Variants in CRB1 observed in about 807,000 individuals in gnomAD.
The protein encoded by CRB1 is crumbs cell polarity complex component 1.
CRB1 carries 83 observed loss-of-function variants against 120.0 expected under a neutral mutation model. The ratio of observed to expected loss-of-function variants is 0.69; its 90% CI spans 0.58 to 0.83. CRB1 has a LOEUF of 0.83. Ranked by LOEUF, CRB1 falls within the 40% of genes least tolerant of loss-of-function variation. CRB1 has a pLI of 0.00. For missense variants in CRB1, 1,699 were observed against 1,687.6 expected (o/e 1.01, Z -0.12); for synonymous variants, 625 against 612.5 (o/e 1.02, Z -0.30).
At chr1:197,329,054 G>A (rs1473021119) in intron 2 of CRB1, 51 bp downstream of exon 2, 1 of 1,490,454 alleles carries the variant, frequency 6.7e-7, no homozygotes, top group Non-Finnish European at 9.3e-7. Context: ...CTCTTTCTAA[G>A]TGGCAGAAGC....
the CRB1 span, among the ~76,000 whole-genome samples, chr1:197,207,041 T>A: frequency 2.0e-5 from 3 of 152,172 alleles, no homozygotes; most frequent in Non-Finnish European, 1.5e-5. Context: ...TTTTGTCTGA[T>A]ATATGAATAG....
intron 1 of CRB1, among the ~76,000 whole-genome samples, chr1:197,308,193 A>T (rs1657286048): frequency 6.6e-6 from 1 of 152,194 alleles, no homozygotes; most frequent in African/African-American, 2.4e-5. Context: ...ATAGAAAATA[A>T]AATACTGTAT....
the CRB1 span, among the ~76,000 whole-genome samples, chr1:197,262,351 A>G: frequency 6.6e-6 from 1 of 152,118 alleles, no homozygotes; most frequent in Non-Finnish European, 1.5e-5. Context: ...ATTTTTGTCT[A>G]TAAATCTTCC....
At chr1:197,412,804 T>C (rs1663778214) in intron 5 of CRB1, among the ~76,000 whole-genome samples, 1 of 152,208 alleles carries the variant, frequency 6.6e-6, no homozygotes, top group African/African-American at 2.4e-5. Context: ...GATAAATAAG[T>C]TTTAAATATG....
At chr1:197,449,451 C>A (rs575098890) in intron 11 of CRB1, among the ~76,000 whole-genome samples, 1 of 152,154 alleles carries the variant, frequency 6.6e-6, no homozygotes, top group Non-Finnish European at 1.5e-5. Context: ...ACTGCAAGCT[C>A]CGCCTGCCGG....
the CRB1 span, among the ~76,000 whole-genome samples, chr1:197,208,915 G>C: frequency 1.3e-5 from 2 of 152,130 alleles, no homozygotes; most frequent in Non-Finnish European, 2.9e-5. Context: ...GGCTGCTGTA[G>C]GGATGGGGGT....
chr1:197,424,478 T>C (rs1664483158), intron 6 of CRB1, among the ~76,000 whole-genome samples: 1 of 152,174 alleles, frequency 6.6e-6, no homozygotes, highest in Admixed American at 6.6e-5. Flanking sequence ...ATGACATAGT[T>C]TTCCGACACT....
In CRB1 at chr1:197,427,892, G is replaced by A; in HGVS notation, c.2567G>A (p.Arg856Lys). 1 of 1,613,998 alleles carries A rather than the reference G, an allele frequency of 6.2e-7. No individual in the cohort carries two copies. The highest frequency in any genetic ancestry group is 2.2e-5 in the East Asian group (1 of 44,868). Residue 856 changes from arginine to lysine, a missense_variant, in exon 7 of 12, where the codon AGA (arginine) becomes AAA (lysine). By Grantham distance (26) the Arg-to-Lys change is conservative. Coordinates refer to ENST00000367400, the MANE Select transcript of CRB1 (RefSeq NM_201253.3). ...TTCAAAGGCTGTATCCAAGATGTAA[G>A]ACTAAACAACCAAAATCTGGAATTC... ...GFFKGCIQDV[R>K]LNNQNLEFFP...
At chr1:197,396,039 A>C (rs932586577) in intron 5 of CRB1, among the ~76,000 whole-genome samples, 1 of 152,164 alleles carries the variant, frequency 6.6e-6, no homozygotes, top group Non-Finnish European at 1.5e-5. Context: ...ATATTGGAAA[A>C]AAGTAATTAA....
intron 11 of CRB1, chr1:197,444,776 T>C (rs1665619023): frequency 6.6e-6 from 1 of 152,216 alleles, no homozygotes; most frequent in African/African-American, 2.4e-5. Context: ...TGTGTGACTA[T>C]GGCTTTTACA....
intron 11 of CRB1, among the ~76,000 whole-genome samples, chr1:197,466,869 A>G (rs1366529527): frequency 6.6e-6 from 1 of 152,244 alleles, no homozygotes; most frequent in Non-Finnish European, 1.5e-5. Context: ...GGTTAAGAGC[A>G]GTGACACCAG....
chr1:197,295,007 T>C (rs1406598685), intron 1 of CRB1, among the ~76,000 whole-genome samples: 3 of 152,136 alleles, frequency 2.0e-5, no homozygotes, highest in Non-Finnish European at 4.4e-5. Flanking sequence ...TATACATATG[T>C]AGCAAACCTG....
chr1:197,313,580 T>C lies in CRB1; in HGVS notation c.71-14842T>C, dbSNP rs577424099. ...TTATCAAATTGCGTTTTTGTACCCA[T>C]TGACCAACTTCTCTTTATACCTCTT... On this transcript the variant is annotated intron_variant, in intron 1 of 11. Coordinates refer to ENST00000367400, the MANE Select transcript of CRB1 (RefSeq NM_201253.3). Among the ~76,000 whole-genome samples, 294 of 152,224 alleles carry C rather than the reference T, an allele frequency of 1.9e-3. 1 individual carries two copies. Among genetic ancestry groups the C allele is most frequent in the Non-Finnish European group, 3.6e-3 (247 of 68,042 alleles).
the CRB1 span, among the ~76,000 whole-genome samples, chr1:197,230,952 G>A: frequency 6.6e-6 from 1 of 152,140 alleles, no homozygotes; most frequent in Non-Finnish European, 1.5e-5. Context: ...TATCTCTCAT[G>A]AAATTGTCAT....
chr1:197,256,186 A>T, the CRB1 span, among the ~76,000 whole-genome samples: 2 of 150,606 alleles, frequency 1.3e-5, no homozygotes, highest in African/African-American at 4.9e-5. Context: ...GTAGTAGATG[A>T]CTCGTTAATC....
the CRB1 span, among the ~76,000 whole-genome samples, chr1:197,207,917 A>C: frequency 6.6e-6 from 1 of 151,552 alleles, no homozygotes; most frequent in Admixed American, 6.6e-5. Context: ...TCTTTTTTTA[A>C]ATTATTTTTT....
chr1:197,407,305 G>A (rs536017802), intron 5 of CRB1, among the ~76,000 whole-genome samples: 2 of 152,264 alleles, frequency 1.3e-5, no homozygotes, highest in Admixed American at 6.5e-5. Flanking sequence ...TAGAGATTTC[G>A]GGTTTTGGCC....
intron 2 of CRB1, among the ~76,000 whole-genome samples, chr1:197,338,789 GCAT>G (rs1271625745): frequency 6.6e-6 from 1 of 151,864 alleles, no homozygotes; most frequent in African/African-American, 2.4e-5. Context: ...TAATGACAAA[GCAT>G]TAATAATATT....
intron 1 of CRB1, among the ~76,000 whole-genome samples, chr1:197,280,378 C>G (rs1168532344): frequency 6.6e-6 from 1 of 151,746 alleles, no homozygotes; most frequent in Admixed American, 6.6e-5. Context: ...ATTGCTCAAA[C>G]CATAAGAAAT....
Sources: gnomAD v4.1 joint callset for allele counts (sites outside exome capture counted in the v4.1 genomes callset) on GRCh38, gnomAD v4.1.1 for gene constraint, MANE v1.5 for transcripts, NCBI Gene and HGNC (gene_info 2026-07-23, HGNC 2026-07-21) for gene names.